Variants in ME3 observed in about 807,000 individuals in gnomAD.
The protein encoded by ME3 is NADP-dependent malic enzyme, mitochondrial.
Under a neutral mutation model 68.9 loss-of-function variants are expected in ME3, and 48 were observed. That is an observed-to-expected ratio of 0.70 (90% confidence interval 0.55 to 0.89). The LOEUF (loss-of-function observed/expected upper bound fraction) is 0.89, where lower values mean the gene tolerates loss of function less well. Ranked by LOEUF, ME3 falls within the 40% of genes least tolerant of loss-of-function variation. The pLI, the probability that ME3 is intolerant of heterozygous loss-of-function variation, is 0.00. For synonymous variants in ME3, 320 were observed against 318.8 expected (o/e 1.00, Z -0.04); for missense variants, 675 against 797.4 (o/e 0.85, Z 1.85).
At chr11:86,550,255 A>G (rs1358934669) in intron 4 of ME3, among the ~76,000 whole-genome samples, 1 of 152,206 alleles carries the variant, frequency 6.6e-6, no homozygotes, top group Non-Finnish European at 1.5e-5. Context: ...TTAAAAATCT[A>G]TTTCTAACTT....
chr11:86,633,255 G>A (rs1944127912), intron 2 of ME3, among the ~76,000 whole-genome samples: 1 of 152,200 alleles, frequency 6.6e-6, no homozygotes, highest in South Asian at 2.1e-4. Flanking sequence ...CTGACATTTA[G>A]TCACTTACTA....
chr11:86,564,309 G>A (rs1374042056), intron 2 of ME3, among the ~76,000 whole-genome samples: 2 of 152,058 alleles, frequency 1.3e-5, no homozygotes, highest in Admixed American at 6.5e-5. Flanking sequence ...CTGATCTACA[G>A]TTGTAATGCA....
chr11:86,508,815 A>C, exon 5 of ME3: 1 of 1,613,456 alleles, frequency 6.2e-7, no homozygotes, highest in Middle Eastern at 1.7e-4. Flanking sequence ...TCTGGCCAAG[A>C]ATTCAGCATT....
chr11:86,559,663 C>T, intron 3 of ME3, 27 bp downstream of exon 3: 1 of 1,596,090 alleles, frequency 6.3e-7, no homozygotes, highest in Non-Finnish European at 8.6e-7. Context: ...AAGGACCAGA[C>T]AGAGAGAACA....
rs576772549 is a variant in ME3, at chr11:86,650,391, C to G, written c.183+21371G>C. Among the ~76,000 whole-genome samples the G allele has an allele frequency of 7.2e-5, 11 of 152,232 alleles. No individual in the cohort carries two copies. The East Asian group carries it at 1.9e-3, about 27-fold the overall frequency. On this transcript the variant is annotated intron_variant, in intron 2 of 14. Coordinates refer to ENST00000543262, the Ensembl canonical transcript of ME3. ...CCTAGGCAATACCATTCAGTACATA[C>G]GTATGGGCAAATACTTCATGGCTAA...
intron 2 of ME3, among the ~76,000 whole-genome samples, chr11:86,577,210 T>C (rs1445157435): frequency 6.6e-6 from 1 of 152,148 alleles, no homozygotes; most frequent in African/African-American, 2.4e-5. Flanking sequence ...CTGAGTCCAT[T>C]TTGACCCAGA....
Position 86,457,528 on chromosome 11 carries a change from A to G in ME3, c.920-7130T>C, listed in dbSNP as rs1169001597. ...TACAGGCCAGAACTCAAGAGGAAAAACAGTGGTTCTTAAGCTCCAAATTAC... is the reference window on the plus strand; with the variant it reads ...TACAGGCCAGAACTCAAGAGGAAAAGCAGTGGTTCTTAAGCTCCAAATTAC... On this transcript the variant is annotated intron_variant, in intron 8 of 14. Transcript: ENST00000543262. 3.5e-6 allele frequency: 4 copies of G among 1,137,606 alleles called. No individual in the cohort carries two copies. In the Admixed American group the frequency reaches 1.1e-4, roughly 31 times the overall value. The allele number at this position is 1,137,606 out of a possible 1,614,324, so 70.5% of individuals were successfully genotyped here.
chr11:86,596,622 T>C (rs139032211), intron 2 of ME3, among the ~76,000 whole-genome samples: 1 of 152,200 alleles, frequency 6.6e-6, no homozygotes, highest in Admixed American at 6.5e-5. Context: ...CACCTTCATG[T>C]AGAATCATGA....
intron 2 of ME3, among the ~76,000 whole-genome samples, chr11:86,627,904 G>A (rs1594718565): frequency 6.6e-6 from 1 of 152,306 alleles, no homozygotes; most frequent in South Asian, 2.1e-4. Flanking sequence ...TGAGAAAGCA[G>A]AATGGCTTCT....
intron 4 of ME3, among the ~76,000 whole-genome samples, chr11:86,515,663 G>A (rs932264807): frequency 1.3e-5 from 2 of 152,172 alleles, no homozygotes; most frequent in Non-Finnish European, 2.9e-5. Flanking sequence ...GGGTGCTAAA[G>A]TGAGCCTCCC....
chr11:86,559,618 C>A, intron 3 of ME3, 72 bp downstream of exon 3: 1 of 1,490,168 alleles, frequency 6.7e-7, no homozygotes. Flanking sequence ...TCCAGAAAAC[C>A]CTCTGTGAAG....
chr11:86,450,786 C>T (rs558052742), intron 8 of ME3, among the ~76,000 whole-genome samples: 6 of 152,254 alleles, frequency 3.9e-5, no homozygotes, highest in Non-Finnish European at 8.8e-5. Flanking sequence ...ACAACCTGAC[C>T]ATGAGGCATT....
chr11:86,601,944 G>A (rs1432937792), intron 2 of ME3, among the ~76,000 whole-genome samples: 1 of 142,662 alleles, frequency 7.0e-6, no homozygotes, highest in Non-Finnish European at 1.5e-5. Context: ...GGTATTGATG[G>A]GACGTATCTC....
intron 2 of ME3, among the ~76,000 whole-genome samples, chr11:86,606,681 C>A (rs1961707055): frequency 6.6e-6 from 1 of 152,136 alleles, no homozygotes; most frequent in Admixed American, 6.5e-5. Context: ...TGGGAAGTGA[C>A]CAATAGTCCA....
chr11:86,488,478 A>C (rs771305795), intron 6 of ME3, among the ~76,000 whole-genome samples: 1 of 152,138 alleles, frequency 6.6e-6, no homozygotes, highest in Non-Finnish European at 1.5e-5. Context: ...ATACAAGCAT[A>C]GAATGAAACA....
intron 2 of ME3, among the ~76,000 whole-genome samples, chr11:86,662,098 C>T (rs114828726): frequency 0.012 from 1,883 of 152,258 alleles, 46 homozygotes; most frequent in African/African-American, 0.043. Context: ...AAGTCCACAG[C>T]AGGGAACAGG....
chr11:86,591,700 G>A (rs993984485), intron 2 of ME3, among the ~76,000 whole-genome samples: 7 of 152,308 alleles, frequency 4.6e-5, no homozygotes, highest in African/African-American at 1.2e-4. Context: ...AAGGCAAAAG[G>A]CAAGGAGGAG....
At chr11:86,583,382 G>A (rs1273337573) in intron 2 of ME3, among the ~76,000 whole-genome samples, 1 of 152,180 alleles carries the variant, frequency 6.6e-6, no homozygotes, top group African/African-American at 2.4e-5. Context: ...ACAAGATGTA[G>A]TGATTTGTCA....
intron 8 of ME3, among the ~76,000 whole-genome samples, chr11:86,454,952 T>A (rs532640171): frequency 6.6e-6 from 1 of 152,166 alleles, no homozygotes; most frequent in Non-Finnish European, 1.5e-5. Context: ...AGATAGGGGG[T>A]ACAGCAAACA....
Sources: allele counts gnomAD v4.1 joint callset (sites outside exome capture counted in the v4.1 genomes callset), GRCh38; gene constraint gnomAD v4.1.1; transcripts MANE v1.5; gene names NCBI Gene and HGNC (gene_info 2026-07-23, HGNC 2026-07-21).